Variants in TACR3 observed in about 807,000 individuals in gnomAD.
The protein encoded by TACR3 is tachykinin receptor 3, also known as neuromedin-K receptor.
TACR3 carries 34 observed loss-of-function variants against 35.0 expected under a neutral mutation model. The ratio of observed to expected loss-of-function variants is 0.97; its 90% CI spans 0.74 to 1.30. TACR3 has a LOEUF of 1.30. Ranked by LOEUF, TACR3 falls within the 50% of genes most tolerant of loss-of-function variation. The pLI is 0.00. For missense variants in TACR3, 558 were observed against 591.7 expected (o/e 0.94, Z 0.59); for synonymous variants, 233 against 221.1 (o/e 1.05, Z -0.48).
Position 103,587,141 on chromosome 4 carries a change from T to C in TACR3, c.*2541A>G, listed in dbSNP as rs1418142716. On this transcript the variant is annotated 3_prime_UTR_variant, in exon 5 of 5. Transcript: ENST00000304883. ...CCAAGCTTAGCAAATATGAAAACAC[T>C]GGGATGACTTTATTTAAAAATGAAT... 1.3e-5 allele frequency: 2 copies of C among 152,034 alleles called. No individual in the cohort carries two copies. The highest frequency in any genetic ancestry group is 2.9e-5 in the Non-Finnish European group (2 of 68,010). 9.4% of individuals were successfully genotyped at this position (152,034 alleles called of 1,614,324 possible). A position where few individuals can be genotyped will look rare whatever the true frequency, so the allele number is the denominator to read the frequency against.
Position 103,587,332 on chromosome 4 carries a change from G to A in TACR3, c.*2350C>T, listed in dbSNP as rs950977024. The A allele has an allele frequency of 6.6e-6, 1 of 152,052 alleles. No homozygotes were observed. Among genetic ancestry groups the A allele is most frequent in the African/African-American group, 2.4e-5 (1 of 41,414 alleles). The allele number at this position is 152,052 out of a possible 1,614,324, so 9.4% of individuals were successfully genotyped here. A position where few individuals can be genotyped will look rare whatever the true frequency, so the allele number is the denominator to read the frequency against. On this transcript the variant is annotated 3_prime_UTR_variant, in exon 5 of 5. Coordinates refer to ENST00000304883, the MANE Select transcript of TACR3 (RefSeq NM_001059.3). Reference sequence around the variant, plus strand: ...ATAGGTCTCAGTTTAAGGGCCATGAGTAGTGAGTGAATGATGCCAGTTTTT... The same window carrying A: ...ATAGGTCTCAGTTTAAGGGCCATGAATAGTGAGTGAATGATGCCAGTTTTT...
At position 103,699,962 on chromosome 4, in the gene TACR3, T is replaced by G. The variant is rs549821954; in HGVS notation, c.548+19166A>C. On this transcript the variant is annotated intron_variant, in intron 1 of 4. Transcript: ENST00000304883. ...AGAGGTATTAATTATTATATATAAT[T>G]TCATGGAATTACGAGCCATATCTAC... is the stretch of plus-strand genomic sequence containing the variant. Among the ~76,000 whole-genome samples the G allele has an allele frequency of 2.6e-5, 4 of 152,254 alleles. No homozygotes were observed. The East Asian group carries it at 7.7e-4, about 29-fold the overall frequency.
chr4:103,686,911 C>T (rs971666433), intron 1 of TACR3, among the ~76,000 whole-genome samples: 19 of 152,266 alleles, frequency 1.2e-4, no homozygotes, highest in African/African-American at 3.6e-4. Flanking sequence ...CCAGCATCAT[C>T]CTGATACCAA....
chr4:103,712,448 C>A (rs1722990832), intron 1 of TACR3, among the ~76,000 whole-genome samples: 2 of 152,204 alleles, frequency 1.3e-5, no homozygotes, highest in Admixed American at 1.3e-4. Flanking sequence ...TGGATCCCTT[C>A]CTTACACCTT....
intron 1 of TACR3, among the ~76,000 whole-genome samples, chr4:103,685,215 C>T (rs1035475916): frequency 2.9e-4 from 44 of 151,980 alleles, no homozygotes; most frequent in South Asian, 1.0e-3. Flanking sequence ...TGTACATAAA[C>T]GTGGCCCACT....
chr4:103,651,317 TC>T (rs1225241096), intron 3 of TACR3, among the ~76,000 whole-genome samples: 2 of 151,692 alleles, frequency 1.3e-5, no homozygotes, highest in African/African-American at 2.4e-5. Flanking sequence ...ATCAGTTGTT[TC>T]CCCTCTTCCG....
intron 3 of TACR3, among the ~76,000 whole-genome samples, chr4:103,610,001 C>T (rs907184008): frequency 6.6e-6 from 1 of 152,016 alleles, no homozygotes; most frequent in African/African-American, 2.4e-5. Flanking sequence ...ACCATATTTT[C>T]TTTAACCATG....
intron 1 of TACR3, among the ~76,000 whole-genome samples, chr4:103,712,113 A>G (rs1722978468): frequency 6.6e-6 from 1 of 152,168 alleles, no homozygotes; most frequent in African/African-American, 2.4e-5. Context: ...CAAGCTACCA[A>G]TGACTTTCTT....
At chr4:103,594,634 G>A (rs781056405) in intron 3 of TACR3, among the ~76,000 whole-genome samples, 3 of 152,028 alleles carry the variant, frequency 2.0e-5, no homozygotes, top group South Asian at 2.1e-4. Context: ...ATTGTTTTCC[G>A]ACAATTGCTG....
At chr4:103,604,293 G>T (rs1008964704) in intron 3 of TACR3, among the ~76,000 whole-genome samples, 3 of 152,192 alleles carry the variant, frequency 2.0e-5, no homozygotes, top group Non-Finnish European at 2.9e-5. Context: ...ATGGGGAAAG[G>T]ATTCCCTATT....
chr4:103,711,105 C>T (rs888253700), intron 1 of TACR3, among the ~76,000 whole-genome samples: 3 of 152,104 alleles, frequency 2.0e-5, no homozygotes, highest in African/African-American at 7.2e-5. Context: ...CTATTCCAAC[C>T]AGTAGAAAAA....
chr4:103,645,346 C>A (rs3796967), intron 3 of TACR3, among the ~76,000 whole-genome samples: 55,072 of 151,654 alleles, frequency 0.36, 10,648 homozygotes, highest in African/African-American at 0.5. Context: ...GCTTGCTATA[C>A]TGGATATTCT....
At position 103,589,537 on chromosome 4, in the gene TACR3, T is replaced by C; in HGVS notation, c.*145A>G. 1.2e-6 allele frequency: 1 copy of C among 810,230 alleles called. No homozygotes were observed. Among genetic ancestry groups the C allele is most frequent in the Non-Finnish European group, 2.0e-6 (1 of 504,030 alleles). 50.2% of individuals were successfully genotyped at this position (810,230 alleles called of 1,614,324 possible). On this transcript the variant is annotated 3_prime_UTR_variant, in exon 5 of 5. Transcript: ENST00000304883. ...TAGTGTCTTTGTCACATTTATACACTACCTTTCTCAATTTGACCATAGCTG... is the reference window on the plus strand; with the variant it reads ...TAGTGTCTTTGTCACATTTATACACCACCTTTCTCAATTTGACCATAGCTG...
intron 1 of TACR3, among the ~76,000 whole-genome samples, chr4:103,683,904 CA>C (rs1263612936): frequency 1.2e-4 from 18 of 151,434 alleles, no homozygotes; most frequent in African/African-American, 4.1e-4. Context: ...ATACATCATC[CA>C]AAAATGGTAT....
At chr4:103,625,969 G>A (rs945330112) in intron 3 of TACR3, among the ~76,000 whole-genome samples, 6 of 152,140 alleles carry the variant, frequency 3.9e-5, no homozygotes, top group African/African-American at 1.4e-4. Context: ...CAGAGGGATG[G>A]AGCCTTTTAC....
chr4:103,701,521 A>C (rs1722648503), intron 1 of TACR3, among the ~76,000 whole-genome samples: 2 of 152,166 alleles, frequency 1.3e-5, no homozygotes. Flanking sequence ...GCTACCCATG[A>C]CTTTCTTCAC....
chr4:103,645,888 A>G (rs1447388051), intron 3 of TACR3, among the ~76,000 whole-genome samples: 2 of 151,920 alleles, frequency 1.3e-5, no homozygotes, highest in Non-Finnish European at 2.9e-5. Context: ...GACCAAGATT[A>G]CTCCTAGATA....
rs1156858376 is a variant in TACR3, at chr4:103,588,410, T to A, written c.*1272A>T. On this transcript the variant is annotated 3_prime_UTR_variant, in exon 5 of 5. Transcript: ENST00000304883. ...AGGCCTGGATGTTACTTTTTACACT[T>A]AAAAGTATTTCTTGTTATGTTATGA... is the stretch of plus-strand genomic sequence containing the variant. The A allele has an allele frequency of 6.6e-6, 1 of 152,146 alleles. No homozygotes were observed. 9.4% of individuals were successfully genotyped at this position (152,146 alleles called of 1,614,324 possible).
chr4:103,591,351 TG>T lies in TACR3; in HGVS notation c.1085+135del, dbSNP rs556418893. 154 of 959,626 alleles carry T rather than the reference TG, an allele frequency of 1.6e-4. No homozygotes were observed. The African/African-American group carries it at 2.1e-3, about 13-fold the overall frequency. 59.4% of individuals were successfully genotyped at this position (959,626 alleles called of 1,614,324 possible). A position where few individuals can be genotyped will look rare whatever the true frequency, so the allele number is the denominator to read the frequency against. On this transcript the variant is annotated intron_variant, in intron 4 of 4. Coordinates refer to ENST00000304883, the MANE Select transcript of TACR3 (RefSeq NM_001059.3). ...TGGGGGTCTTGAAAGATAAAGCCTG[TG>T]CCTCTCTCAGTGAATTCTTAAATTT...
Sources: allele counts gnomAD v4.1 joint callset (sites outside exome capture counted in the v4.1 genomes callset), GRCh38; gene constraint gnomAD v4.1.1; transcripts MANE v1.5; gene names NCBI Gene and HGNC (gene_info 2026-07-23, HGNC 2026-07-21).